The following FHIT variants were observed in gnomAD, a reference collection of about 807,000 sequenced individuals.
FHIT encodes bis(5'-adenosyl)-triphosphatase.
In FHIT, 19 loss-of-function variants were observed where a neutral mutation model predicts 17.9. That is an observed-to-expected ratio of 1.06 (90% CI 0.74 to 1.56). FHIT has a LOEUF of 1.56. Ranked by LOEUF, FHIT falls within the 40% of genes most tolerant of loss-of-function variation. FHIT has a pLI of 0.00. For synonymous variants in FHIT, 81 were observed against 69.7 expected (o/e 1.16, Z -0.81); for missense variants, 248 against 189.2 (o/e 1.31, Z -1.82).
rs533541875 is a variant in FHIT, at chr3:60,736,379, G to A, written c.-18+85540C>T. Among the ~76,000 whole-genome samples the A allele has an allele frequency of 3.8e-3, 573 of 151,620 alleles. 7 individuals carry two copies. The highest frequency in any genetic ancestry group is 2.3e-3 in the Non-Finnish European group (157 of 67,886). ...ATTATTCTTAACAGCCAAAATGTGG[G>A]AAAAAAAACCTTAAATTTCCATTTA... On this transcript the variant is annotated intron_variant, in intron 4 of 9. Transcript: ENST00000492590.
At chr3:60,723,633 G>A (rs981017019) in intron 4 of FHIT, among the ~76,000 whole-genome samples, 5 of 152,200 alleles carry the variant, frequency 3.3e-5, no homozygotes, top group South Asian at 2.1e-4. Flanking sequence ...ACTCTTGGAC[G>A]CTTACTCCTG....
intron 4 of FHIT, among the ~76,000 whole-genome samples, chr3:60,612,379 TCA>T (rs1457900719): frequency 6.6e-6 from 1 of 152,174 alleles, no homozygotes; most frequent in Non-Finnish European, 1.5e-5. Flanking sequence ...AGGAATCTTC[TCA>T]CTTTCTCCAA....
intron 3 of FHIT, among the ~76,000 whole-genome samples, chr3:60,943,172 GTTTGA>G (rs1195441322): frequency 6.6e-6 from 1 of 152,044 alleles, no homozygotes; most frequent in African/African-American, 2.4e-5. Context: ...TTCTTAGCTT[GTTTGA>G]TTTATCAGTG....
At chr3:60,287,176 C>A (rs1376646916) in intron 5 of FHIT, among the ~76,000 whole-genome samples, 6 of 151,906 alleles carry the variant, frequency 3.9e-5, no homozygotes, top group African/African-American at 1.5e-4. Context: ...GTAAAATTTC[C>A]ATTTTTTTTT....
chr3:60,383,878 C>G lies in FHIT; in HGVS notation c.103+152982G>C, dbSNP rs140143958. Among the ~76,000 whole-genome samples the G allele has an allele frequency of 8.6e-3, 1,301 of 152,078 alleles. 24 individuals are homozygous for G. Among genetic ancestry groups the G allele is most frequent in the African/African-American group, 0.03 (1,257 of 41,416 alleles). ...TACTGTTGGGTCAAGTTCTCACTGT[C>G]AAAAAAGACATATTAATTGCAAAAA... On this transcript the variant is annotated intron_variant, in intron 5 of 9. Coordinates refer to ENST00000492590, the MANE Select transcript of FHIT (RefSeq NM_002012.4).
At position 60,167,761 on chromosome 3, in the gene FHIT, G is replaced by A. The variant is rs547938357; in HGVS notation, c.104-153609C>T. 7.2e-5 allele frequency among the ~76,000 whole-genome samples: 11 copies of A among 152,190 alleles called. No homozygotes were observed. The East Asian group carries it at 1.2e-3, about 16-fold the overall frequency. ...AAAAAATTAAAATTTGTGGCAGGGC[G>A]TAGTGGCTCATGCCTGTAATCCCAG... is the stretch of plus-strand genomic sequence containing the variant. On this transcript the variant is annotated intron_variant, in intron 5 of 9. Coordinates refer to ENST00000492590, the MANE Select transcript of FHIT (RefSeq NM_002012.4).
At chr3:60,425,532 A>C (rs769504322) in intron 5 of FHIT, among the ~76,000 whole-genome samples, 2 of 152,136 alleles carry the variant, frequency 1.3e-5, no homozygotes, top group African/African-American at 2.4e-5. Context: ...CCCTGAACCT[A>C]GCAGTTAAAA....
chr3:60,494,898 T>C (rs994356074), intron 5 of FHIT, among the ~76,000 whole-genome samples: 20 of 152,188 alleles, frequency 1.3e-4, no homozygotes, highest in African/African-American at 4.6e-4. Flanking sequence ...TTAGGTTGCT[T>C]CCAAATCTTG....
chr3:60,862,679 C>T (rs1321065241), intron 3 of FHIT, among the ~76,000 whole-genome samples: 1 of 151,864 alleles, frequency 6.6e-6, no homozygotes, highest in East Asian at 1.9e-4. Context: ...GTGAAACCCC[C>T]TGTCTCTACT....
intron 5 of FHIT, among the ~76,000 whole-genome samples, chr3:60,347,464 A>G (rs532276135): frequency 6.6e-6 from 1 of 152,154 alleles, no homozygotes; most frequent in Non-Finnish European, 1.5e-5. Flanking sequence ...GGAAGCATCA[A>G]CTTAGCAAGT....
At chr3:60,682,222 C>T (rs372002799) in intron 4 of FHIT, among the ~76,000 whole-genome samples, 46 of 152,194 alleles carry the variant, frequency 3.0e-4, no homozygotes, top group African/African-American at 9.6e-4. Context: ...TTGCCTGCCT[C>T]GGCCTCCCAC....
chr3:61,127,758 T>G (rs932329640), intron 2 of FHIT, among the ~76,000 whole-genome samples: 7 of 151,964 alleles, frequency 4.6e-5, no homozygotes, highest in Non-Finnish European at 1.0e-4. Flanking sequence ...TAATCCCAGA[T>G]ACTCAGGAGG....
intron 2 of FHIT, among the ~76,000 whole-genome samples, chr3:61,189,528 A>G (rs2038642958): frequency 6.6e-6 from 1 of 152,370 alleles, no homozygotes; most frequent in Admixed American, 6.5e-5. Context: ...TTGTAGATTC[A>G]ATGCCATCCC....
intron 2 of FHIT, among the ~76,000 whole-genome samples, chr3:61,119,838 T>C (rs1323017120): frequency 6.6e-6 from 1 of 152,182 alleles, no homozygotes; most frequent in African/African-American, 2.4e-5. Context: ...TTTCAGACTT[T>C]AACTAGAACT....
At chr3:59,844,474 C>T (rs546543668) in intron 8 of FHIT, among the ~76,000 whole-genome samples, 125 of 151,648 alleles carry the variant, frequency 8.2e-4, no homozygotes, top group African/African-American at 2.8e-3. Context: ...TCTTACTTTT[C>T]CTAGTTTGTT....
intron 2 of FHIT, among the ~76,000 whole-genome samples, chr3:61,168,563 T>C (rs537635267): frequency 6.6e-6 from 1 of 152,332 alleles, no homozygotes; most frequent in East Asian, 1.9e-4. Flanking sequence ...TATCACGTCT[T>C]AACTTGAGCA....
At chr3:61,184,398 G>A (rs1203723478) in intron 2 of FHIT, among the ~76,000 whole-genome samples, 2 of 152,070 alleles carry the variant, frequency 1.3e-5, no homozygotes, top group East Asian at 3.9e-4. Context: ...AGATGGGGAG[G>A]CTGAAGCCAA....
At chr3:59,803,767 AT>A (rs34056992) in intron 8 of FHIT, among the ~76,000 whole-genome samples, 93,068 of 151,842 alleles carry the variant, frequency 0.61, 31,045 homozygotes, top group Middle Eastern at 0.79. Flanking sequence ...CCTAAGGGAG[AT>A]TGCCAGGTAA....
intron 4 of FHIT, among the ~76,000 whole-genome samples, chr3:60,605,138 G>C (rs73095324): frequency 0.019 from 2,919 of 152,128 alleles, 37 homozygotes; most frequent in Middle Eastern, 0.031. Context: ...AGATGCAGTT[G>C]ATTTTCCCCA....
Sources: gnomAD v4.1 joint callset for allele counts (sites outside exome capture counted in the v4.1 genomes callset) on GRCh38, gnomAD v4.1.1 for gene constraint, MANE v1.5 for transcripts, NCBI Gene and HGNC (gene_info 2026-07-23, HGNC 2026-07-21) for gene names.